MB21D2: variants seen among roughly 807,000 people sequenced by gnomAD.
MB21D2 encodes the protein nucleotidyltransferase MB21D2.
In MB21D2, 9 loss-of-function variants were observed where a neutral mutation model predicts 33.3. That is an observed-to-expected ratio of 0.27 (90% CI 0.16 to 0.47). MB21D2 has a LOEUF of 0.47. Ranked by LOEUF, MB21D2 falls within the 20% of genes least tolerant of loss-of-function variation. MB21D2 has a pLI of 0.99. For missense variants in MB21D2, 540 were observed against 624.6 expected, an observed-to-expected ratio of 0.86 and a Z score of 1.44; for synonymous variants, 241 against 236.3, an observed-to-expected ratio of 1.02 and a Z score of -0.18.
intron 1 of MB21D2, among the ~76,000 whole-genome samples, chr3:192,840,248 A>C (rs1279917366): frequency 1.3e-5 from 2 of 152,140 alleles, no homozygotes; most frequent in Admixed American, 6.5e-5. Flanking sequence ...TTCTGCAGAA[A>C]AGGGCAAATA....
chr3:192,836,743 G>A (rs1250734668), intron 1 of MB21D2, among the ~76,000 whole-genome samples: 1 of 152,158 alleles, frequency 6.6e-6, no homozygotes, highest in Non-Finnish European at 1.5e-5. Context: ...GGCAGACTTA[G>A]CAAGCTAATA....
At position 192,799,513 on chromosome 3, in the gene MB21D2, C is replaced by G; in HGVS notation, c.349G>C (p.Asp117His). The G allele has an allele frequency of 6.2e-7, 1 of 1,614,180 alleles. No homozygotes were observed. Among genetic ancestry groups the G allele is most frequent in the Non-Finnish European group, 8.5e-7 (1 of 1,180,028 alleles). ...VYARGTDYDMDFTLLVPALKL... is the reference protein window; with the variant it reads ...VYARGTDYDMHFTLLVPALKL... ...AGGGCTGGCACCAAGAGGGTAAAGTCCATATCATAGTCAGTACCCCGGGCA... is the reference window on the plus strand; with the variant it reads ...AGGGCTGGCACCAAGAGGGTAAAGTGCATATCATAGTCAGTACCCCGGGCA... The change falls in exon 2 of 2, where the codon GAC becomes CAC. Residue 117 changes from aspartate to histidine, a missense_variant. By Grantham distance (81) the Asp-to-His change is moderately conservative. Transcript: ENST00000392452. The surrounding 1 kb of genome is among the most constrained non-coding windows in gnomAD (Gnocchi z 4.1).
chr3:192,813,632 G>A (rs1290203158), intron 1 of MB21D2, among the ~76,000 whole-genome samples: 1 of 152,072 alleles, frequency 6.6e-6, no homozygotes, highest in Non-Finnish European at 1.5e-5. Context: ...CTCATTGTAG[G>A]GATGTGGAGG....
At chr3:192,814,737 C>T (rs6802720) in intron 1 of MB21D2, among the ~76,000 whole-genome samples, 9,874 of 151,902 alleles carry the variant, frequency 0.065, 1,114 homozygotes, top group African/African-American at 0.23. Flanking sequence ...TGGTGGTGGA[C>T]GCCTTTAGTC....
rs368434734 is a variant in MB21D2, at chr3:192,851,511, T to TTTTTG, written c.212-51862_212-51861insCAAAA. On this transcript the variant is annotated intron_variant, in intron 1 of 1. Coordinates refer to ENST00000392452, the MANE Select transcript of MB21D2 (RefSeq NM_178496.4). ...TGTCTGTTTTTTTTTTTTTTTTTTT[T>TTTTTG]GGAGATGGAGTCTCACTCTGTTGCC... 1.8e-3 allele frequency among the ~76,000 whole-genome samples: 260 copies of TTTTTG among 143,882 alleles called. 1 individual carries two copies. The highest frequency in any genetic ancestry group is 7.1e-3 in the African/African-American group (256 of 35,968). The allele number at this position is 143,882 out of a possible 152,430, so 94.4% of individuals were successfully genotyped here.
At chr3:192,875,241 C>T (rs1713404899) in intron 1 of MB21D2, among the ~76,000 whole-genome samples, 1 of 152,192 alleles carries the variant, frequency 6.6e-6, no homozygotes, top group Non-Finnish European at 1.5e-5. Flanking sequence ...CCCCTACTCT[C>T]CAAATGTCAG....
At chr3:192,884,424 T>C (rs568027298) in intron 1 of MB21D2, among the ~76,000 whole-genome samples, 2 of 151,926 alleles carry the variant, frequency 1.3e-5, no homozygotes, top group Non-Finnish European at 2.9e-5. Context: ...TGGAGTGCAG[T>C]GGCGCGATCT....
At chr3:192,914,336 C>A (rs2108657626) in intron 1 of MB21D2, among the ~76,000 whole-genome samples, 1 of 152,272 alleles carries the variant, frequency 6.6e-6, no homozygotes, top group African/African-American at 2.4e-5. Context: ...AAAATCATGC[C>A]ATGGTACCGA....
intron 1 of MB21D2, among the ~76,000 whole-genome samples, chr3:192,803,224 A>C (rs1711591856): frequency 6.6e-6 from 1 of 152,210 alleles, no homozygotes. Flanking sequence ...ATTCCTGCCA[A>C]TGATAAAAGG....
intron 1 of MB21D2, among the ~76,000 whole-genome samples, chr3:192,833,131 A>C (rs1712357758): frequency 6.6e-6 from 1 of 152,062 alleles, no homozygotes; most frequent in African/African-American, 2.4e-5. Context: ...ATTCAGACTA[A>C]ACAACTGTAA....
intron 1 of MB21D2, among the ~76,000 whole-genome samples, chr3:192,902,759 C>T (rs1178489811): frequency 3.9e-5 from 6 of 152,204 alleles, no homozygotes; most frequent in Non-Finnish European, 8.8e-5. Context: ...TATGCTGGTT[C>T]TTTCAGATCC....
At chr3:192,840,446 T>C (rs1712545822) in intron 1 of MB21D2, among the ~76,000 whole-genome samples, 1 of 131,402 alleles carries the variant, frequency 7.6e-6, no homozygotes, top group African/African-American at 3.1e-5. Flanking sequence ...TTTTTGCTTT[T>C]CCTAGAACCT....
Position 192,915,016 on chromosome 3 carries a change from C to A in MB21D2, c.211+2614G>T, listed in dbSNP as rs148357684. 2.3e-3 allele frequency among the ~76,000 whole-genome samples: 345 copies of A among 152,308 alleles called. 2 individuals are homozygous for A. Among genetic ancestry groups the A allele is most frequent in the Admixed American group, 4.0e-3 (61 of 15,306 alleles). On this transcript the variant is annotated intron_variant, in intron 1 of 1. Transcript: ENST00000392452. Reference sequence around the variant, plus strand: ...TAACATGCCTCACCCCTGCCAACTGCCTGAAACATGAGGCAGTATTTTTCT... The same window carrying A: ...TAACATGCCTCACCCCTGCCAACTGACTGAAACATGAGGCAGTATTTTTCT...
intron 1 of MB21D2, among the ~76,000 whole-genome samples, chr3:192,867,683 TCC>T (rs1187483966): frequency 2.0e-5 from 3 of 152,170 alleles, no homozygotes; most frequent in Non-Finnish European, 4.4e-5. Flanking sequence ...TTTGACACTC[TCC>T]CATCAAGAGG....
At chr3:192,814,052 C>T (rs756538979) in intron 1 of MB21D2, among the ~76,000 whole-genome samples, 6 of 152,066 alleles carry the variant, frequency 3.9e-5, no homozygotes, top group African/African-American at 1.2e-4. Context: ...TTTTTGCCTT[C>T]GTTTAAATAA....
intron 1 of MB21D2, among the ~76,000 whole-genome samples, chr3:192,845,585 T>A (rs745816349): frequency 6.6e-6 from 1 of 152,250 alleles, no homozygotes; most frequent in Non-Finnish European, 1.5e-5. Context: ...GCCTCAGCTC[T>A]GAATGTTCCA....
intron 1 of MB21D2, among the ~76,000 whole-genome samples, chr3:192,822,804 T>TA (rs1332144846): frequency 3.3e-5 from 5 of 152,226 alleles, no homozygotes; most frequent in East Asian, 3.9e-4. Context: ...TGCTGGTAGT[T>TA]AGAGGCCACG....
chr3:192,861,321 G>A (rs926431546), intron 1 of MB21D2, among the ~76,000 whole-genome samples: 3 of 152,146 alleles, frequency 2.0e-5, no homozygotes, highest in Admixed American at 6.5e-5. Flanking sequence ...CAGCATCTGC[G>A]GGCATCTAAT....
In MB21D2 at chr3:192,866,283, T is replaced by A. The variant is rs117188807; in HGVS notation, c.211+51347A>T. On this transcript the variant is annotated intron_variant, in intron 1 of 1. Transcript: ENST00000392452. ...ATATACTAAAATTACAATGTACAAG[T>A]GTAAGCAGGAATCACATTCTTCCTG... 3.9e-4 allele frequency among the ~76,000 whole-genome samples: 60 copies of A among 152,184 alleles called. 2 individuals are homozygous for A. The East Asian group carries it at 0.012, about 29-fold the overall frequency.
Sources: allele counts gnomAD v4.1 joint callset (sites outside exome capture counted in the v4.1 genomes callset), GRCh38; gene constraint gnomAD v4.1.1; non-coding constraint Gnocchi (gnomAD v3.1); transcripts MANE v1.5; gene names NCBI Gene and HGNC (gene_info 2026-07-23, HGNC 2026-07-21).